The following COL5A1 variants were observed in gnomAD, a reference collection of about 807,000 sequenced individuals.
COL5A1 encodes collagen alpha-1(V) chain.
A neutral mutation model predicts 263.7 loss-of-function variants in COL5A1; 16 were observed. The ratio of observed to expected loss-of-function variants is 0.06; its 90% CI spans 0.04 to 0.09. COL5A1 has a LOEUF of 0.09. Among genes scored for constraint, COL5A1 ranks in the 10% least tolerant of loss-of-function variants. COL5A1 has a pLI of 1.00. For missense variants in COL5A1, 2,036 were observed against 2,540.5 expected, an observed-to-expected ratio of 0.80 and a Z score of 4.27; for synonymous variants, 1,012 against 1,004.5, an observed-to-expected ratio of 1.01 and a Z score of -0.14.
chr9:134,836,982 C>T (rs143413946), intron 65 of COL5A1, among the ~76,000 whole-genome samples: 62 of 152,312 alleles, frequency 4.1e-4, no homozygotes, highest in African/African-American at 1.3e-3. Context: ...TTTAAAAATG[C>T]CAGGGACCTT....
rs1403883306 is a variant in COL5A1, at chr9:134,642,126, C to T, written c.-62C>T. The T allele has an allele frequency of 1.1e-5, 13 of 1,230,046 alleles. No individual in the cohort carries two copies. The highest frequency in any genetic ancestry group is 1.3e-5 in the Non-Finnish European group (13 of 987,344). The allele number at this position is 1,230,046 out of a possible 1,614,324, so 76.2% of individuals were successfully genotyped here. ...TGCGCTGCCCGGGCCGTGACCCGCG[C>T]CCCTGTGCGTCCCCGCGCGCCTCCG... On this transcript the variant is annotated 5_prime_UTR_variant, in exon 1 of 66. Transcript: ENST00000371817. This position sits in a 1 kb window ranked among gnomAD's most constrained non-coding sequence, Gnocchi z 4.5.
At chr9:134,730,566 G>C (rs770257992) in intron 7 of COL5A1, 91 bp downstream of exon 7, 116 of 1,575,720 alleles carry the variant, frequency 7.4e-5, no homozygotes, top group Non-Finnish European at 9.7e-5. Flanking sequence ...TCTTACTCCA[G>C]TTCTCACCTT....
At position 134,728,762 on chromosome 9, in the gene COL5A1, C is replaced by G; in HGVS notation, c.879C>G (p.Ser293Arg). The G allele has an allele frequency of 6.2e-7, 1 of 1,614,212 alleles. No homozygotes were observed. The highest frequency in any genetic ancestry group is 2.2e-5 in the East Asian group (1 of 44,868). The change falls in exon 6 of 66, where the codon AGC (serine) becomes AGG (arginine). Residue 293 changes from serine (S) to arginine (R), a missense_variant. Ser to Arg is a moderately radical substitution (Grantham distance 110). Around this residue, in one of 3 missense-constraint regions of COL5A1, gnomAD observed 600 missense variants for 634.5 expected, o/e 0.95. Transcript: ENST00000371817. ...PEDLGKEPTP[S>R]KKPVEAAKET... ...ACCTAGGGAAGGAGCCCACCCCCAG[C>G]AAGAAGCCCGTGGAAGCTGCCAAAG...
rs996728960 is a variant in COL5A1 at position 134,741,121 on chromosome 9, G to A, written c.1494+2313G>A. 3.3e-5 allele frequency among the ~76,000 whole-genome samples: 5 copies of A among 152,174 alleles called. No homozygotes were observed. The highest frequency in any genetic ancestry group is 4.8e-5 in the African/African-American group (2 of 41,442). ...GATGTCCAGATCTTGCTCGATGCCC[G>A]CTAATCAGCTGTGAAAGATCACTGG... is the stretch of plus-strand genomic sequence containing the variant. On this transcript the variant is annotated intron_variant, in intron 11 of 65. Coordinates refer to ENST00000371817, the MANE Select transcript of COL5A1 (RefSeq NM_000093.5). This position sits in a 1 kb window ranked among gnomAD's most constrained non-coding sequence, Gnocchi z 4.5.
chr9:134,780,783 C>T (rs1486144559), intron 28 of COL5A1, among the ~76,000 whole-genome samples: 1 of 152,222 alleles, frequency 6.6e-6, no homozygotes, highest in Admixed American at 6.5e-5. Flanking sequence ...GGCCGGCCAC[C>T]TTTCTCTTCT....
At chr9:134,768,337 C>A (rs373576718) in intron 24 of COL5A1, 73 bp from the exon 25 acceptor site, 105 of 1,321,434 alleles carry the variant, frequency 7.9e-5, no homozygotes, top group Non-Finnish European at 1.1e-4. Flanking sequence ...TGAAAAGTAA[C>A]CTTGGTGGCC....
chr9:134,756,507 C>A (rs1835978527), intron 16 of COL5A1, among the ~76,000 whole-genome samples: 4 of 152,180 alleles, frequency 2.6e-5, no homozygotes, highest in African/African-American at 4.8e-5. Flanking sequence ...GTGGCGTGAT[C>A]CCCCTTTGAC....
At position 134,794,144 on chromosome 9, in the gene COL5A1, G is replaced by A. The variant is rs569196658; in HGVS notation, c.2701-938G>A. On this transcript the variant is annotated intron_variant, in intron 32 of 65. Coordinates refer to ENST00000371817, the MANE Select transcript of COL5A1 (RefSeq NM_000093.5). The surrounding 1 kb of genome is among the most constrained non-coding windows in gnomAD (Gnocchi z 4.3). ...AGATCGAGACCATCCTTGCCAACAT[G>A]GTGAAACCCTGTCTCTACTAAAATT... 2.0e-4 allele frequency among the ~76,000 whole-genome samples: 30 copies of A among 152,242 alleles called. 1 individual carries two copies. In the South Asian group the frequency reaches 5.8e-3, roughly 30 times the overall value.
rs1049477647 is a variant in COL5A1 at position 134,697,070 on chromosome 9, T to TA, written c.278-2826dup. On this transcript the variant is annotated intron_variant, in intron 2 of 65. Coordinates refer to ENST00000371817, the MANE Select transcript of COL5A1 (RefSeq NM_000093.5). ...TGGGCAACAGAGTGAGACTCTGTCT[T>TA]AAAAAAAAAAAAATGAAAAGCTCTG... Among the ~76,000 whole-genome samples the TA allele has an allele frequency of 4.0e-3, 578 of 142,978 alleles. 5 individuals are homozygous for TA. The highest frequency in any genetic ancestry group is 0.012 in the African/African-American group (465 of 38,998). 93.8% of individuals were successfully genotyped at this position (142,978 alleles called of 152,430 possible). A position where few individuals can be genotyped will look rare whatever the true frequency, so the allele number is the denominator to read the frequency against.
intron 18 of COL5A1, among the ~76,000 whole-genome samples, chr9:134,760,239 CAT>C (rs1460637367): frequency 1.5e-5 from 2 of 134,112 alleles, no homozygotes; most frequent in African/African-American, 2.8e-5. Flanking sequence ...CACACACACG[CAT>C]ACACACCCAC....
At chr9:134,648,511 G>T (rs932541454) in intron 1 of COL5A1, among the ~76,000 whole-genome samples, 9 of 152,006 alleles carry the variant, frequency 5.9e-5, no homozygotes, top group Non-Finnish European at 2.9e-5. Flanking sequence ...TCTACCAGCA[G>T]TGCATTTTCC....
At position 134,642,692 on chromosome 9, in the gene COL5A1, C is replaced by T. The variant is rs1051457617; in HGVS notation, c.109+396C>T. 2.0e-5 allele frequency among the ~76,000 whole-genome samples: 3 copies of T among 152,230 alleles called. No individual in the cohort carries two copies. Among genetic ancestry groups the T allele is most frequent in the East Asian group, 3.9e-4 (2 of 5,190 alleles). Reference sequence around the variant, plus strand: ...AGAACTTCCTCTGCTCCAAACCGGGCAGGGCCGCCCCCTAGAGTTACAGCC... The same window carrying T: ...AGAACTTCCTCTGCTCCAAACCGGGTAGGGCCGCCCCCTAGAGTTACAGCC... On this transcript the variant is annotated intron_variant, in intron 1 of 65. Transcript: ENST00000371817. The surrounding 1 kb of genome is among the most constrained non-coding windows in gnomAD (Gnocchi z 4.5).
chr9:134,747,968 T>C (rs1438318377), intron 11 of COL5A1, among the ~76,000 whole-genome samples: 1 of 144,370 alleles, frequency 6.9e-6, no homozygotes, highest in Non-Finnish European at 1.5e-5. Context: ...CATGCACACA[T>C]GCATTCACAC....
chr9:134,793,742 G>A (rs1176633972), intron 32 of COL5A1, among the ~76,000 whole-genome samples: 1 of 152,196 alleles, frequency 6.6e-6, no homozygotes, highest in East Asian at 1.9e-4. Flanking sequence ...ATCCTCGCCT[G>A]TAGAACGCCT....
chr9:134,797,484 T>C (rs1256415129), intron 36 of COL5A1, among the ~76,000 whole-genome samples: 6 of 110,486 alleles, frequency 5.4e-5, no homozygotes, highest in African/African-American at 2.1e-4. Context: ...TCTAATCTCT[T>C]TCTTTTTTTG....
At chr9:134,668,954 C>CCCATGCAT (rs1554776455) in intron 1 of COL5A1, among the ~76,000 whole-genome samples, 5 of 110,396 alleles carry the variant, frequency 4.5e-5, no homozygotes, top group African/African-American at 1.8e-4. Flanking sequence ...CACCCACCCA[C>CCCATGCAT]CCATCCATCC....
At position 134,842,801 on chromosome 9, in the gene COL5A1, A is replaced by C; in HGVS notation, c.*498A>C. ...GCCTCCGTTTTTAACAACCTCCAAC[A>C]CGATCCATTTAGAGGCCAAATGTCA... On this transcript the variant is annotated 3_prime_UTR_variant, in exon 66 of 66. Transcript: ENST00000371817. This position sits in a 1 kb window ranked among gnomAD's most constrained non-coding sequence, Gnocchi z 5.8. 1 of 188,088 alleles carries C rather than the reference A, an allele frequency of 5.3e-6. No homozygotes were observed. Among genetic ancestry groups the C allele is most frequent in the Non-Finnish European group, 1.1e-5 (1 of 89,562 alleles). The allele number at this position is 188,088 out of a possible 1,614,324, so 11.7% of individuals were successfully genotyped here. A position where few individuals can be genotyped will look rare whatever the true frequency, so the allele number is the denominator to read the frequency against.
chr9:134,760,152 CACATGCACACACAT>C (rs1479447134), intron 18 of COL5A1, among the ~76,000 whole-genome samples: 6 of 134,506 alleles, frequency 4.5e-5, no homozygotes, highest in South Asian at 5.2e-4. Flanking sequence ...GCAGACACCA[CACATGCACACACAT>C]ACATGCACAC....
At chr9:134,654,166 GGA>G (rs1831806874) in intron 1 of COL5A1, among the ~76,000 whole-genome samples, 2 of 143,492 alleles carry the variant, frequency 1.4e-5, no homozygotes, top group South Asian at 2.3e-4. Flanking sequence ...ATGTAGGGCT[GGA>G]GGTGTATAGG....
Sources: gnomAD v4.1 joint callset for allele counts (sites outside exome capture counted in the v4.1 genomes callset) on GRCh38, gnomAD v4.1.1 for gene constraint, gnomAD v4.1.1 regional missense constraint, Gnocchi (gnomAD v3.1) non-coding constraint, MANE v1.5 for transcripts, NCBI Gene and HGNC (gene_info 2026-07-23, HGNC 2026-07-21) for gene names.